The following CTIF variants were observed in gnomAD, a reference collection of about 807,000 sequenced individuals.
CTIF encodes the protein cap binding complex dependent translation initiation factor.
In CTIF, 21 loss-of-function variants were observed where a neutral mutation model predicts 66.0. The observed-to-expected ratio is 0.32, with a 90% CI of 0.23 to 0.46. CTIF has a LOEUF of 0.46. Ranked by LOEUF, CTIF falls within the 20% of genes least tolerant of loss-of-function variation. The pLI, the probability that CTIF is intolerant of heterozygous loss-of-function variation, is 1.00. For missense variants in CTIF, 739 were observed against 812.7 expected (o/e 0.91, Z 1.10); for synonymous variants, 345 against 326.4 (o/e 1.06, Z -0.62).
chr18:48,805,602 A>G (rs912008917), intron 9 of CTIF, among the ~76,000 whole-genome samples: 4 of 152,232 alleles, frequency 2.6e-5, no homozygotes, highest in Non-Finnish European at 5.9e-5. Context: ...AGGGGGAAAA[A>G]AAATCCAATA....
At chr18:48,713,089 G>A (rs955748614) in intron 7 of CTIF, among the ~76,000 whole-genome samples, 1 of 152,158 alleles carries the variant, frequency 6.6e-6, no homozygotes, top group Non-Finnish European at 1.5e-5. Context: ...CTGCCTTTTT[G>A]CTGTGCAGCA....
At chr18:48,612,029 T>G (rs932745077) in intron 1 of CTIF, among the ~76,000 whole-genome samples, 2 of 152,180 alleles carry the variant, frequency 1.3e-5, no homozygotes, top group African/African-American at 2.4e-5. Flanking sequence ...ATTTCCAAGG[T>G]CACATGCCTT....
intron 1 of CTIF, among the ~76,000 whole-genome samples, chr18:48,542,205 G>A (rs558361727): frequency 6.6e-6 from 1 of 152,372 alleles, no homozygotes; most frequent in Non-Finnish European, 1.5e-5. Context: ...ATAATTTGCT[G>A]TTGGTGAATG....
chr18:48,771,477 C>T (rs1368827826), intron 9 of CTIF, among the ~76,000 whole-genome samples: 2 of 152,198 alleles, frequency 1.3e-5, no homozygotes, highest in Admixed American at 6.5e-5. Flanking sequence ...GCCAGGAGAG[C>T]TTTACCCAGG....
intron 9 of CTIF, among the ~76,000 whole-genome samples, chr18:48,770,862 C>T (rs983454467): frequency 3.3e-5 from 5 of 152,230 alleles, no homozygotes; most frequent in African/African-American, 1.2e-4. Context: ...AGCTCTGAGC[C>T]ACACCACTCG....
intron 2 of CTIF, among the ~76,000 whole-genome samples, chr18:48,624,641 C>T (rs1290993539): frequency 6.6e-6 from 1 of 152,160 alleles, no homozygotes; most frequent in Non-Finnish European, 1.5e-5. Flanking sequence ...GTGAGAAATA[C>T]TGATGTACAG....
At chr18:48,749,924 C>T (rs1036131400) in intron 7 of CTIF, among the ~76,000 whole-genome samples, 4 of 152,146 alleles carry the variant, frequency 2.6e-5, no homozygotes, top group Middle Eastern at 3.2e-3. Flanking sequence ...AGCGGAAGGG[C>T]GAGGGCCTTC....
chr18:48,823,118 T>C (rs1029413421), intron 10 of CTIF, among the ~76,000 whole-genome samples: 1 of 152,262 alleles, frequency 6.6e-6, no homozygotes, highest in Non-Finnish European at 1.5e-5. Context: ...TACTTTGTCT[T>C]TCTCTCTGCT....
Position 48,859,772 on chromosome 18 carries a change from GCTCACACCAATAA to G in CTIF, c.*214_*226del, listed in dbSNP as rs1170921212. 2 of 696,788 alleles carry G rather than the reference GCTCACACCAATAA, an allele frequency of 2.9e-6. No homozygotes were observed. The highest frequency in any genetic ancestry group is 3.5e-5 in the African/African-American group (2 of 57,092). The allele number at this position is 696,788 out of a possible 1,614,324, so 43.2% of individuals were successfully genotyped here. On this transcript the variant is annotated 3_prime_UTR_variant, in exon 12 of 12. Transcript: ENST00000256413. ...CAAGCCCCCCAGCCCGAGCATGCAA[GCTCACACCAATAA>G]GGGAAGCATGTTTCTTTTTCCTGGT...
chr18:48,599,637 C>T (rs1187113060), intron 1 of CTIF, among the ~76,000 whole-genome samples: 1 of 152,198 alleles, frequency 6.6e-6, no homozygotes, highest in African/African-American at 2.4e-5. Flanking sequence ...TGAGTGTGGG[C>T]ACGTCTTAGT....
chr18:48,677,055 C>G (rs770131231), intron 6 of CTIF, among the ~76,000 whole-genome samples: 1 of 152,112 alleles, frequency 6.6e-6, no homozygotes, highest in African/African-American at 2.4e-5. Flanking sequence ...CCTCTGTAGC[C>G]GGGTTCCCAG....
intron 1 of CTIF, among the ~76,000 whole-genome samples, chr18:48,579,463 T>A (rs753980217): frequency 7.2e-5 from 11 of 152,212 alleles, no homozygotes; most frequent in Non-Finnish European, 1.2e-4. Context: ...CTGTTTTACA[T>A]GTAGATACCC....
intron 2 of CTIF, among the ~76,000 whole-genome samples, chr18:48,626,645 G>GTTTT (rs59275308): frequency 1.1e-4 from 13 of 122,782 alleles, no homozygotes; most frequent in Non-Finnish European, 1.5e-4. Context: ...GCACCTGGCC[G>GTTTT]TTTTTTTTTT....
chr18:48,747,597 G>T (rs1907355070), intron 7 of CTIF, among the ~76,000 whole-genome samples: 1 of 152,120 alleles, frequency 6.6e-6, no homozygotes, highest in African/African-American at 2.4e-5. Flanking sequence ...TAGGAGAAGA[G>T]AAATTGGCTT....
chr18:48,786,264 G>T (rs1041542608), intron 9 of CTIF, among the ~76,000 whole-genome samples: 1 of 152,142 alleles, frequency 6.6e-6, no homozygotes, highest in Non-Finnish European at 1.5e-5. Context: ...CCCAAGTCAC[G>T]ATTGGTCCCT....
rs768247779 is a variant in CTIF, at chr18:48,758,389, G to A, written c.1055G>A (p.Arg352Gln). ...LLQSSKDRLR[R>Q]RLKEKDEVAV... ...CAGTCTTCCAAAGACAGACTGCGGCGAAGGCTAAAGGAAAAGGTACCGGTA... is the reference window on the plus strand; with the variant it reads ...CAGTCTTCCAAAGACAGACTGCGGCAAAGGCTAAAGGAAAAGGTACCGGTA... The change falls in exon 8 of 12, where the codon CGA becomes CAA. Residue 352 changes from arginine (R) to glutamine (Q), a missense_variant. By Grantham distance (43) the Arg-to-Gln change is conservative (BLOSUM62 1). Coordinates refer to ENST00000256413, the MANE Select transcript of CTIF (RefSeq NM_014772.3). The A allele has an allele frequency of 8.8e-6, 14 of 1,589,518 alleles. 1 individual carries two copies. Among genetic ancestry groups the A allele is most frequent in the South Asian group, 3.4e-5 (3 of 88,842 alleles).
rs1265155873 is a variant in CTIF at position 48,857,614 on chromosome 18, A to G, written c.1554A>G (p.Glu518=). 7.5e-6 allele frequency: 12 copies of G among 1,608,702 alleles called. No homozygotes were observed. The highest frequency in any genetic ancestry group is 1.0e-5 in the Non-Finnish European group (12 of 1,177,522). ...TCTTGCAATCTCAGGATGTGAAGGA[A>G]GATGCTGTCCTTTGCTGCTCTATGG... ...RELLQSQDVK[E]DAVLCCSMEL... The change falls in exon 11 of 12, where the codon GAA becomes GAG. Residue 518 remains glutamate (E), a synonymous_variant. Coordinates refer to ENST00000256413, the MANE Select transcript of CTIF (RefSeq NM_014772.3).
chr18:48,849,285 C>T (rs947725030), intron 10 of CTIF, among the ~76,000 whole-genome samples: 2 of 145,786 alleles, frequency 1.4e-5, no homozygotes, highest in Admixed American at 6.9e-5. Context: ...GCAACCTCTG[C>T]GACCTGGGTT....
chr18:48,627,610 T>C (rs542211410), intron 2 of CTIF, among the ~76,000 whole-genome samples: 40 of 151,900 alleles, frequency 2.6e-4, no homozygotes, highest in Non-Finnish European at 4.7e-4. Context: ...TCCCAGCTAC[T>C]GGGGAGGCTG....
Sources: gnomAD v4.1 joint callset for allele counts (sites outside exome capture counted in the v4.1 genomes callset) on GRCh38, gnomAD v4.1.1 for gene constraint, MANE v1.5 for transcripts, NCBI Gene and HGNC (gene_info 2026-07-23, HGNC 2026-07-21) for gene names.